The following AEBP2 variants were observed in gnomAD, a reference collection of about 807,000 sequenced individuals.
AEBP2 encodes the protein AE binding protein 2.
AEBP2 carries 10 observed loss-of-function variants against 50.8 expected under a neutral mutation model. That is an observed-to-expected ratio of 0.20 (90% CI 0.12 to 0.33). AEBP2 has a LOEUF of 0.33. AEBP2 is among the 10% of genes least tolerant of loss of function. AEBP2 has a pLI of 1.00. For synonymous variants in AEBP2, 296 were observed against 261.3 expected, an observed-to-expected ratio of 1.13 and a Z score of -1.28; for missense variants, 570 against 688.0, an observed-to-expected ratio of 0.83 and a Z score of 1.92.
rs774223696 is a variant in AEBP2 at position 19,439,988 on chromosome 12, G to C, written c.289G>C (p.Glu97Gln). ...GAGCGCCAGCCAGGCCGGGGAGGAC[G>C]AAGACGAGGAGGAGGACGACGAGGA... Reference protein sequence around the residue: ...PESASQAGEDEDEEEDDEEEE... With the variant: ...PESASQAGEDQDEEEDDEEEE... Residue 97 changes from glutamate (E) to glutamine (Q), a missense_variant, in exon 1 of 8, where the codon GAA (glutamate) becomes CAA (glutamine). Coordinates refer to ENST00000266508, the MANE Select transcript of AEBP2 (RefSeq NM_153207.5). 121 of 1,524,550 alleles carry C rather than the reference G, an allele frequency of 7.9e-5. No homozygotes were observed. Among genetic ancestry groups the C allele is most frequent in the Non-Finnish European group, 1.0e-4 (116 of 1,142,042 alleles). The allele number at this position is 1,524,550 out of a possible 1,614,324, so 94.4% of individuals were successfully genotyped here.
chr12:19,440,570 C>G, intron 1 of AEBP2, 200 bp downstream of exon 1: 2 of 1,410,558 alleles, frequency 1.4e-6, no homozygotes, highest in Non-Finnish European at 1.9e-6. Context: ...ACTCTCAAAC[C>G]GTTCCCCCCC....
At chr12:19,420,328 ATTTTTTTT>A (rs780103252) in intron 1 of AEBP2, among the ~76,000 whole-genome samples, 1 of 76,586 alleles carries the variant, frequency 1.3e-5, no homozygotes. Context: ...TGTGCTGACC[ATTTTTTTT>A]TTTTTTTTTT....
At chr12:19,408,045 C>G (rs927328415) in intron 1 of AEBP2, among the ~76,000 whole-genome samples, 7 of 131,274 alleles carry the variant, frequency 5.3e-5, no homozygotes, top group African/African-American at 1.9e-4. Flanking sequence ...GAGTGAAACT[C>G]TGTCTCAAAA....
chr12:19,514,123 C>T (rs371923617), intron 6 of AEBP2, among the ~76,000 whole-genome samples: 23 of 151,792 alleles, frequency 1.5e-4, no homozygotes, highest in African/African-American at 5.1e-4. Context: ...CCTCGTTCTC[C>T]GGAGTTGATG....
intron 1 of AEBP2, among the ~76,000 whole-genome samples, chr12:19,451,842 C>T (rs1401870398): frequency 6.6e-6 from 1 of 152,162 alleles, no homozygotes; most frequent in African/African-American, 2.4e-5. Flanking sequence ...GCTGGGACTA[C>T]AGTTGTGCAT....
chr12:19,490,243 AC>A (rs1948877395), intron 3 of AEBP2, among the ~76,000 whole-genome samples: 1 of 152,144 alleles, frequency 6.6e-6, no homozygotes. Flanking sequence ...CTTAAGACTT[AC>A]AACATTTCTC....
rs1037509624 is a variant in AEBP2, at chr12:19,453,372, C to T, written c.672-9138C>T. On this transcript the variant is annotated intron_variant, in intron 1 of 7. Transcript: ENST00000266508. ...GCCTCAAGCAGTCCTCTCACCTTGG[C>T]CTCCCAACATGTTGGGATTATAGGC... is the stretch of plus-strand genomic sequence containing the variant. 2.0e-5 allele frequency among the ~76,000 whole-genome samples: 3 copies of T among 152,058 alleles called. 1 individual carries two copies. In the East Asian group the frequency reaches 5.8e-4, roughly 30 times the overall value.
chr12:19,440,026 G>A lies in AEBP2; in HGVS notation c.327G>A (p.Glu109=), dbSNP rs1565702457. 1 of 1,525,468 alleles carries A rather than the reference G, an allele frequency of 6.6e-7. No individual in the cohort carries two copies. The highest frequency in any genetic ancestry group is 2.6e-5 in the East Asian group (1 of 38,652). 94.5% of individuals were successfully genotyped at this position (1,525,468 alleles called of 1,614,324 possible). A position where few individuals can be genotyped will look rare whatever the true frequency, so the allele number is the denominator to read the frequency against. The change falls in exon 1 of 8, where the codon GAG becomes GAA. Residue 109 remains glutamate, a synonymous_variant. Coordinates refer to ENST00000266508, the MANE Select transcript of AEBP2 (RefSeq NM_153207.5). The part of the protein sequence containing the change: ...EEEDDEEEED[E]SSSSGGGEEE... ...AGGACGACGAGGAGGAGGAAGATGA[G>A]AGCAGCAGCAGCGGCGGGGGTGAGG...
chr12:19,461,256 T>C (rs375281934), intron 1 of AEBP2, among the ~76,000 whole-genome samples: 71 of 152,322 alleles, frequency 4.7e-4, no homozygotes, highest in African/African-American at 1.6e-3. Flanking sequence ...TTGACCCTTA[T>C]GATTGAAGTG....
Position 19,440,180 on chromosome 12 carries a change from C to G in AEBP2, c.481C>G (p.Pro161Ala), listed in dbSNP as rs1196717142. The change falls in exon 1 of 8, where the codon CCC becomes GCC. Residue 161 changes from proline to alanine, a missense_variant. By Grantham distance (27) the Pro-to-Ala change is conservative. Coordinates refer to ENST00000266508, the MANE Select transcript of AEBP2 (RefSeq NM_153207.5). ...DGDGKEGLEE[P>A]KGPRGSQGGG... is the part of the protein sequence containing the mutation. ...GGACGGCAAGGAGGGCCTGGAGGAG[C>G]CCAAGGGACCGCGGGGCAGCCAGGG... 1.4e-6 allele frequency: 2 copies of G among 1,468,576 alleles called. No homozygotes were observed. 91.0% of individuals were successfully genotyped at this position (1,468,576 alleles called of 1,614,324 possible).
chr12:19,416,877 CT>C (rs60880618), intron 1 of AEBP2, among the ~76,000 whole-genome samples: 114,216 of 137,000 alleles, frequency 0.83, 47,410 homozygotes, highest in African/African-American at 0.89. Flanking sequence ...TTTCTTTTTT[CT>C]TTTTTTTTTT....
chr12:19,419,802 C>T (rs548704596), intron 1 of AEBP2, among the ~76,000 whole-genome samples: 1 of 146,180 alleles, frequency 6.8e-6, no homozygotes, highest in Middle Eastern at 3.9e-3. Flanking sequence ...TGGTGGTGTG[C>T]GTCTGTAATC....
At chr12:19,515,735 A>G (rs557187174) in intron 7 of AEBP2, among the ~76,000 whole-genome samples, 7 of 152,296 alleles carry the variant, frequency 4.6e-5, no homozygotes, top group East Asian at 3.9e-4. Flanking sequence ...AATTTGAGAC[A>G]TTATTCTGTG....
chr12:19,473,463 T>C, intron 3 of AEBP2, 108 bp downstream of exon 3: 1 of 374,714 alleles, frequency 2.7e-6, no homozygotes. Context: ...TGGAGTGCAA[T>C]GGTGCCATCT....
chr12:19,413,238 C>T (rs973306183), intron 1 of AEBP2: 9 of 885,022 alleles, frequency 1.0e-5, no homozygotes, highest in Admixed American at 3.4e-5. Flanking sequence ...TTGGATCAGT[C>T]GGCCGGGCCA....
At position 19,507,640 on chromosome 12, in the gene AEBP2, T is replaced by A. The variant is rs536583123; in HGVS notation, c.1300-4758T>A. 8.0e-3 allele frequency among the ~76,000 whole-genome samples: 1,212 copies of A among 152,016 alleles called. 15 individuals carry two copies. Among genetic ancestry groups the A allele is most frequent in the African/African-American group, 0.027 (1,138 of 41,442 alleles). On this transcript the variant is annotated intron_variant, in intron 5 of 7. Coordinates refer to ENST00000266508, the MANE Select transcript of AEBP2 (RefSeq NM_153207.5). Reference sequence around the variant, plus strand: ...CTTAACTGAGGAAAAGTCACAAAGGTGGAATGTAATCTGAAGAATGATTTT... The same window carrying A: ...CTTAACTGAGGAAAAGTCACAAAGGAGGAATGTAATCTGAAGAATGATTTT...
At chr12:19,475,179 GTGTACAC>G (rs57797885) in intron 3 of AEBP2, among the ~76,000 whole-genome samples, 147,649 of 150,820 alleles carry the variant, frequency 0.98, 72,241 homozygotes, top group Middle Eastern at 0.99. Flanking sequence ...CACCTGAGCT[GTGTACAC>G]TGTACACTGT....
intron 3 of AEBP2, among the ~76,000 whole-genome samples, chr12:19,479,961 T>TATTAA (rs1056144356): frequency 6.6e-6 from 1 of 152,104 alleles, no homozygotes; most frequent in Non-Finnish European, 1.5e-5. Flanking sequence ...ATGTAGCATT[T>TATTAA]AGGCCATTTA....
chr12:19,500,966 TAATA>T (rs1949062914), intron 5 of AEBP2, among the ~76,000 whole-genome samples: 2 of 152,214 alleles, frequency 1.3e-5, no homozygotes, highest in African/African-American at 4.8e-5. Context: ...GTAATTAAGT[TAATA>T]AATGTACATT....
Sources: allele counts gnomAD v4.1 joint callset (sites outside exome capture counted in the v4.1 genomes callset), GRCh38; gene constraint gnomAD v4.1.1; transcripts MANE v1.5; gene names NCBI Gene and HGNC (gene_info 2026-07-23, HGNC 2026-07-21).